The following DTWD2 variants were observed in gnomAD, a reference collection of about 807,000 sequenced individuals.
The protein encoded by DTWD2 is tRNA-uridine aminocarboxypropyltransferase 2.
In DTWD2, 39 loss-of-function variants were observed where a neutral mutation model predicts 31.8. The ratio of observed to expected loss-of-function variants is 1.22; its 90% CI spans 0.95 to 1.60. The LOEUF (loss-of-function observed/expected upper bound fraction) is 1.60, where lower values mean the gene tolerates loss of function less well. Ranked by LOEUF, DTWD2 falls within the 40% of genes most tolerant of loss-of-function variation. DTWD2 has a pLI of 0.00. For synonymous variants in DTWD2, 180 were observed against 142.8 expected, an observed-to-expected ratio of 1.26 and a Z score of -1.86; for missense variants, 515 against 381.5, an observed-to-expected ratio of 1.35 and a Z score of -2.92.
chr5:118,936,641 T>C (rs904616879), intron 3 of DTWD2, among the ~76,000 whole-genome samples: 1 of 152,040 alleles, frequency 6.6e-6, no homozygotes, highest in African/African-American at 2.4e-5. Flanking sequence ...CCCATCTCAA[T>C]TTATTTTTTT....
At chr5:118,885,678 G>A (rs1561441339) in intron 4 of DTWD2, among the ~76,000 whole-genome samples, 1 of 150,572 alleles carries the variant, frequency 6.6e-6, no homozygotes. Flanking sequence ...GGGCAGGAGA[G>A]TTTCTTGAAC....
chr5:118,886,059 AC>A (rs1330249223), intron 4 of DTWD2, among the ~76,000 whole-genome samples: 1 of 152,184 alleles, frequency 6.6e-6, no homozygotes, highest in Admixed American at 6.5e-5. Flanking sequence ...AATAAGCCAG[AC>A]CCATACAGAA....
At chr5:118,973,643 GCC>G (rs1755047852) in intron 1 of DTWD2, among the ~76,000 whole-genome samples, 2 of 149,514 alleles carry the variant, frequency 1.3e-5, no homozygotes, top group East Asian at 4.1e-4. Flanking sequence ...GCTCGCGGCA[GCC>G]TCCTTGCTCG....
At chr5:118,853,769 T>C (rs1398493660) in intron 4 of DTWD2, among the ~76,000 whole-genome samples, 4 of 152,110 alleles carry the variant, frequency 2.6e-5, no homozygotes, top group Non-Finnish European at 4.4e-5. Context: ...AAACTACGTA[T>C]TGGGTACTAT....
intron 4 of DTWD2, among the ~76,000 whole-genome samples, chr5:118,853,290 A>G (rs1267314786): frequency 1.3e-5 from 2 of 152,182 alleles, no homozygotes; most frequent in Non-Finnish European, 2.9e-5. Flanking sequence ...ATGCTTATAC[A>G]CTGTTGTTAA....
In DTWD2 at chr5:118,973,711, C is replaced by T. The variant is rs1190307556; in HGVS notation, c.218+14583G>A. ...CCGCCACGCGCCTCCTCCGCCGCCGCGGACTCCGGCAGCTTTATCGCCAGA... is the reference window on the plus strand; with the variant it reads ...CCGCCACGCGCCTCCTCCGCCGCCGTGGACTCCGGCAGCTTTATCGCCAGA... On this transcript the variant is annotated intron_variant, in intron 1 of 5. Coordinates refer to ENST00000510708, the MANE Select transcript of DTWD2 (RefSeq NM_173666.4). 14 of 1,532,820 alleles carry T rather than the reference C, an allele frequency of 9.1e-6. No homozygotes were observed. The African/African-American group carries it at 9.7e-5, about 11-fold the overall frequency. The allele number at this position is 1,532,820 out of a possible 1,614,324, so 95.0% of individuals were successfully genotyped here.
intron 4 of DTWD2, among the ~76,000 whole-genome samples, chr5:118,853,105 C>G (rs1321464480): frequency 6.6e-6 from 1 of 152,156 alleles, no homozygotes; most frequent in Admixed American, 6.6e-5. Context: ...AACTACCTAT[C>G]AGGTATTATG....
chr5:118,847,293 T>C (rs2112674143), intron 5 of DTWD2, among the ~76,000 whole-genome samples: 1 of 152,250 alleles, frequency 6.6e-6, no homozygotes, highest in Middle Eastern at 3.4e-3. Context: ...TGTGCATCCA[T>C]GTGTTCATGC....
chr5:118,948,514 G>A (rs1280747830), intron 1 of DTWD2, among the ~76,000 whole-genome samples: 2 of 152,028 alleles, frequency 1.3e-5, no homozygotes, highest in Non-Finnish European at 1.5e-5. Flanking sequence ...CTGTGATCAG[G>A]GTGGGGAACA....
chr5:118,934,272 TAAAAAAA>T (rs397999089), intron 3 of DTWD2, among the ~76,000 whole-genome samples: 1 of 23,554 alleles, frequency 4.2e-5, no homozygotes, highest in Non-Finnish European at 7.5e-5. Flanking sequence ...TTGTCTCCAT[TAAAAAAA>T]AAAAAAAAAA....
At chr5:118,874,215 C>T (rs1380361679) in intron 4 of DTWD2, among the ~76,000 whole-genome samples, 1 of 152,138 alleles carries the variant, frequency 6.6e-6, no homozygotes, top group African/African-American at 2.4e-5. Context: ...GGTGAGCAAT[C>T]TCAAAGACTG....
intron 1 of DTWD2, among the ~76,000 whole-genome samples, chr5:118,965,986 AG>A (rs1479093898): frequency 6.6e-6 from 1 of 151,572 alleles, no homozygotes; most frequent in African/African-American, 2.4e-5. Flanking sequence ...AAAAAAAAAA[AG>A]AGATGCCAGG....
intron 4 of DTWD2, among the ~76,000 whole-genome samples, chr5:118,883,803 T>C (rs1384406577): frequency 3.3e-5 from 5 of 152,138 alleles, no homozygotes; most frequent in African/African-American, 1.2e-4. Flanking sequence ...GAGATTTGGG[T>C]GGAGACACAG....
At chr5:118,885,358 G>A (rs570112644) in intron 4 of DTWD2, among the ~76,000 whole-genome samples, 50 of 149,378 alleles carry the variant, frequency 3.3e-4, no homozygotes, top group Admixed American at 2.0e-4. Flanking sequence ...AGGCTGTGGC[G>A]GAAGAATCGC....
At chr5:118,845,347 T>A (rs1751826278) in intron 5 of DTWD2, among the ~76,000 whole-genome samples, 1 of 152,222 alleles carries the variant, frequency 6.6e-6, no homozygotes, top group Non-Finnish European at 1.5e-5. Context: ...TAGGGCAGAC[T>A]GATACTGCAT....
chr5:118,970,158 G>A (rs904627063), intron 1 of DTWD2, among the ~76,000 whole-genome samples: 4 of 152,244 alleles, frequency 2.6e-5, no homozygotes, highest in Non-Finnish European at 5.9e-5. Context: ...TGAGCACAGT[G>A]GCTCACGCCT....
In DTWD2 at chr5:118,884,959, G is replaced by A. The variant is rs893070125; in HGVS notation, c.598-36741C>T. Reference sequence around the variant, plus strand: ...TGCAGTGAGCCGAGACTACGCCACTGCACTCCAGTCTGGGGGACAGAGTGA... The same window carrying A: ...TGCAGTGAGCCGAGACTACGCCACTACACTCCAGTCTGGGGGACAGAGTGA... On this transcript the variant is annotated intron_variant, in intron 4 of 5. Coordinates refer to ENST00000510708, the MANE Select transcript of DTWD2 (RefSeq NM_173666.4). 4.5e-4 allele frequency among the ~76,000 whole-genome samples: 61 copies of A among 135,026 alleles called. No homozygotes were observed. The Admixed American group carries it at 4.9e-3, about 11-fold the overall frequency. 88.6% of individuals were successfully genotyped at this position (135,026 alleles called of 152,430 possible).
chr5:118,965,306 T>TG (rs1319199404), intron 1 of DTWD2, among the ~76,000 whole-genome samples: 109 of 145,658 alleles, frequency 7.5e-4, no homozygotes, highest in African/African-American at 2.6e-3. Context: ...GTCCGGGAGG[T>TG]GGGGGGCGTC....
At chr5:118,895,684 A>G (rs1753069919) in intron 4 of DTWD2, among the ~76,000 whole-genome samples, 1 of 152,208 alleles carries the variant, frequency 6.6e-6, no homozygotes, top group Non-Finnish European at 1.5e-5. Context: ...GGAACAGAAT[A>G]CAGTACCCAG....
Sources: allele counts gnomAD v4.1 joint callset (sites outside exome capture counted in the v4.1 genomes callset), GRCh38; gene constraint gnomAD v4.1.1; transcripts MANE v1.5; gene names NCBI Gene and HGNC (gene_info 2026-07-23, HGNC 2026-07-21).